Variants in CELF4 observed in about 807,000 individuals in gnomAD.
CELF4 encodes CUGBP Elav-like family member 4, also known as CUG-BP- and ETR-3-like factor 4.
A neutral mutation model predicts 59.9 loss-of-function variants in CELF4; 18 were observed. That is an observed-to-expected ratio of 0.30 (90% CI 0.21 to 0.45). The LOEUF is 0.45. CELF4 is among the 20% of genes least tolerant of loss of function. The pLI is 1.00. For missense variants in CELF4, 456 were observed against 689.0 expected, an observed-to-expected ratio of 0.66 and a Z score of 3.79; for synonymous variants, 261 against 267.1, an observed-to-expected ratio of 0.98 and a Z score of 0.22.
At chr18:37,331,987 A>G (rs72885311) in intron 2 of CELF4, among the ~76,000 whole-genome samples, 14,883 of 152,184 alleles carry the variant, frequency 0.098, 945 homozygotes, top group African/African-American at 0.17. Context: ...CTAGGACTGC[A>G]TTTGGAAAGA....
intron 2 of CELF4, among the ~76,000 whole-genome samples, chr18:37,357,690 T>C (rs1357963259): frequency 6.6e-6 from 1 of 152,090 alleles, no homozygotes; most frequent in Non-Finnish European, 1.5e-5. Context: ...AACACCAGCC[T>C]GTGAAAGCAG....
At chr18:37,286,176 A>C (rs374791100) in intron 3 of CELF4, among the ~76,000 whole-genome samples, 32 of 152,130 alleles carry the variant, frequency 2.1e-4, no homozygotes, top group African/African-American at 7.7e-4. Flanking sequence ...AGACCAAGGA[A>C]TGGTGTTAAA....
At chr18:37,266,663 A>T (rs1387932049) in intron 8 of CELF4, 65 bp from the exon 9 acceptor site, 1 of 1,290,226 alleles carries the variant, frequency 7.8e-7, no homozygotes, top group African/African-American at 1.5e-5. Flanking sequence ...CCTCATGCCC[A>T]TGGGGACAAT....
chr18:37,410,263 T>C (rs766601365), intron 2 of CELF4, among the ~76,000 whole-genome samples: 5 of 152,248 alleles, frequency 3.3e-5, no homozygotes, highest in African/African-American at 7.2e-5. Context: ...CCCTGTCTCC[T>C]TCCTTCTCTG....
intron 1 of CELF4, among the ~76,000 whole-genome samples, chr18:37,492,275 C>A (rs1449957519): frequency 6.6e-6 from 1 of 152,140 alleles, no homozygotes; most frequent in Non-Finnish European, 1.5e-5. Flanking sequence ...GCCCCTCTGC[C>A]CCAAATCTCC....
chr18:37,248,852 G>A (rs1296225163), intron 12 of CELF4, among the ~76,000 whole-genome samples: 2 of 152,028 alleles, frequency 1.3e-5, no homozygotes, highest in African/African-American at 4.8e-5. Flanking sequence ...TGGCACTCAG[G>A]CCTGGGCCAA....
intron 2 of CELF4, among the ~76,000 whole-genome samples, chr18:37,395,580 G>C (rs2099234206): frequency 6.6e-6 from 1 of 152,232 alleles, no homozygotes; most frequent in Non-Finnish European, 1.5e-5. Flanking sequence ...CTAAGCCCCT[G>C]AGGGGTCAGG....
intron 11 of CELF4, among the ~76,000 whole-genome samples, chr18:37,255,880 A>G (rs1356644890): frequency 1.3e-5 from 2 of 152,220 alleles, no homozygotes; most frequent in East Asian, 3.8e-4. Flanking sequence ...GCGTAGCGGC[A>G]GGCAGAACCA....
intron 3 of CELF4, among the ~76,000 whole-genome samples, chr18:37,294,783 C>G (rs1192521126): frequency 2.6e-5 from 4 of 152,238 alleles, no homozygotes; most frequent in Admixed American, 1.3e-4. Context: ...TCAATTTGCT[C>G]TGTCCTAGAA....
At chr18:37,247,572 A>T in intron 12 of CELF4, 1 of 152,498 alleles carries the variant, frequency 6.6e-6, no homozygotes, top group Non-Finnish European at 1.5e-5. Flanking sequence ...AGAGAACTGA[A>T]AAGAACTCAA....
chr18:37,421,245 G>A (rs994972470), intron 2 of CELF4, among the ~76,000 whole-genome samples: 1 of 152,236 alleles, frequency 6.6e-6, no homozygotes, highest in East Asian at 1.9e-4. Flanking sequence ...TGAACACGAA[G>A]CATGTTATGA....
intron 2 of CELF4, among the ~76,000 whole-genome samples, chr18:37,339,753 CAAAA>C (rs1300133217): frequency 2.9e-5 from 2 of 69,400 alleles, no homozygotes; most frequent in African/African-American, 5.2e-5. Flanking sequence ...GACTCTGTCT[CAAAA>C]AAAAAAAAAA....
intron 2 of CELF4, among the ~76,000 whole-genome samples, chr18:37,481,559 G>C (rs1030059714): frequency 6.6e-6 from 1 of 152,206 alleles, no homozygotes; most frequent in Non-Finnish European, 1.5e-5. Flanking sequence ...TTAAGGAACA[G>C]ACTTCTTTCA....
rs2067811755 is a variant in CELF4 at position 37,254,426 on chromosome 18, G to T, written c.1334-488C>A. ...TGCGAGGGGCCGGGAGGGAGGCGCC[G>T]CCGAGAAACTTCTCCACCGCCGGCC... On this transcript the variant is annotated intron_variant, in intron 11 of 12. Transcript: ENST00000420428. This position sits in a 1 kb window ranked among gnomAD's most constrained non-coding sequence, Gnocchi z 5.1. 6.6e-6 allele frequency among the ~76,000 whole-genome samples: 1 copy of T among 151,818 alleles called. No individual in the cohort carries two copies.
intron 2 of CELF4, among the ~76,000 whole-genome samples, chr18:37,382,860 C>A (rs1002199454): frequency 2.0e-5 from 3 of 152,146 alleles, no homozygotes; most frequent in Admixed American, 1.3e-4. Flanking sequence ...CACCTGCCCC[C>A]CTCCACAGAA....
intron 1 of CELF4, among the ~76,000 whole-genome samples, chr18:37,548,832 C>T (rs193020871): frequency 5.9e-5 from 9 of 152,308 alleles, no homozygotes; most frequent in East Asian, 1.9e-4. Flanking sequence ...GTGGCTCCTA[C>T]GTGGAGTACA....
rs2092577258 is a variant in CELF4, at chr18:37,274,332, G to A, written c.780C>T (p.Ala260=). The stretch of plus-strand genomic sequence containing the variant: ...TTACTGCCTGAGCGTAGGCGCCGTA[G>A]GCCCCGAAAGGGATGGCCATGGGGT... ...MFNPMAIPFG[A]YGAYAQALMQ... is the part of the protein sequence containing the mutation. The change falls in exon 6 of 13, where the codon GCC becomes GCT. Residue 260 remains alanine, a synonymous_variant. Transcript: ENST00000420428. 23 of 1,612,824 alleles carry A rather than the reference G, an allele frequency of 1.4e-5. No homozygotes were observed. The East Asian group carries it at 5.1e-4, about 36-fold the overall frequency.
chr18:37,507,110 C>G (rs1004303417), intron 1 of CELF4, among the ~76,000 whole-genome samples: 1 of 152,158 alleles, frequency 6.6e-6, no homozygotes, highest in East Asian at 1.9e-4. Context: ...TTCTTGCCTT[C>G]CCTACCCTGC....
At chr18:37,389,422 C>A (rs1294849526) in intron 2 of CELF4, among the ~76,000 whole-genome samples, 3 of 152,186 alleles carry the variant, frequency 2.0e-5, no homozygotes, top group African/African-American at 4.8e-5. Context: ...TTAATTGAGC[C>A]TTGCACCACC....
Sources: gnomAD v4.1 joint callset for allele counts (sites outside exome capture counted in the v4.1 genomes callset) on GRCh38, gnomAD v4.1.1 for gene constraint, Gnocchi (gnomAD v3.1) non-coding constraint, MANE v1.5 for transcripts, NCBI Gene and HGNC (gene_info 2026-07-23, HGNC 2026-07-21) for gene names.